Variants in ZFYVE9 observed in about 807,000 individuals in gnomAD.
ZFYVE9 encodes the protein zinc finger FYVE-type containing 9.
In ZFYVE9, 43 loss-of-function variants were observed where a neutral mutation model predicts 126.7. The observed-to-expected ratio is 0.34, with a 90% CI of 0.27 to 0.44. The LOEUF (loss-of-function observed/expected upper bound fraction) is 0.44, where lower values mean the gene tolerates loss of function less well. Among genes scored for constraint, ZFYVE9 ranks in the 20% least tolerant of loss-of-function variants. The probability of loss-of-function intolerance (pLI) is 1.00; values close to 1 mark genes in which losing one functional copy is unlikely to be tolerated. For synonymous variants in ZFYVE9, 521 were observed against 597.4 expected, an observed-to-expected ratio of 0.87 and a Z score of 1.87; for missense variants, 1,476 against 1,697.0, an observed-to-expected ratio of 0.87 and a Z score of 2.29.
intron 1 of ZFYVE9, among the ~76,000 whole-genome samples, chr1:52,149,340 T>G (rs1397606934): frequency 6.6e-6 from 1 of 152,102 alleles, no homozygotes; most frequent in Non-Finnish European, 1.5e-5. Flanking sequence ...ATAGGAAGGC[T>G]TTAATACCTT....
Position 52,145,574 on chromosome 1 carries a change from A to G in ZFYVE9, c.-143+3171A>G, listed in dbSNP as rs540664789. On this transcript the variant is annotated intron_variant, in intron 1 of 18. Coordinates refer to ENST00000287727, the MANE Select transcript of ZFYVE9 (RefSeq NM_004799.4). ...TTAGATTCTGAGTTTCTTATGTACT[A>G]TTGGGGTAACACTACCCCTCCTAGC... 9.8e-4 allele frequency among the ~76,000 whole-genome samples: 149 copies of G among 152,280 alleles called. 4 individuals carry two copies. The highest frequency in any genetic ancestry group is 2.4e-4 in the Non-Finnish European group (16 of 67,998).
At chr1:52,236,454 A>G (rs1645273901) in intron 3 of ZFYVE9, among the ~76,000 whole-genome samples, 1 of 152,198 alleles carries the variant, frequency 6.6e-6, no homozygotes, top group South Asian at 2.1e-4. Context: ...TTACAAATAT[A>G]TCTGCATAAT....
intron 1 of ZFYVE9, among the ~76,000 whole-genome samples, chr1:52,208,447 G>C (rs1644996663): frequency 6.6e-6 from 1 of 151,296 alleles, no homozygotes. Flanking sequence ...AGTTGTGATT[G>C]TGAATAGACA....
At chr1:52,235,533 G>T (rs973869895) in intron 3 of ZFYVE9, among the ~76,000 whole-genome samples, 3 of 151,856 alleles carry the variant, frequency 2.0e-5, no homozygotes, top group African/African-American at 7.3e-5. Flanking sequence ...AATCTCTACT[G>T]GTTCAAATTT....
chr1:52,182,414 C>A (rs1368126250), intron 1 of ZFYVE9, among the ~76,000 whole-genome samples: 2 of 151,822 alleles, frequency 1.3e-5, no homozygotes, highest in Non-Finnish European at 1.5e-5. Context: ...AAGAAAAATT[C>A]TTCTGCCTTG....
chr1:52,293,345 C>T, intron 10 of ZFYVE9, 108 bp from the exon 11 acceptor site: 5 of 1,008,152 alleles, frequency 5.0e-6, no homozygotes, highest in Non-Finnish European at 5.5e-6. Flanking sequence ...CGCCACTGCA[C>T]TCCAGCCTGG....
intron 2 of ZFYVE9, among the ~76,000 whole-genome samples, chr1:52,228,801 A>G (rs934144393): frequency 1.1e-4 from 17 of 152,100 alleles, no homozygotes; most frequent in African/African-American, 3.9e-4. Flanking sequence ...GTGTGTGTGT[A>G]TATGTGTGTT....
chr1:52,155,294 C>T (rs924134236), intron 1 of ZFYVE9, among the ~76,000 whole-genome samples: 5 of 140,602 alleles, frequency 3.6e-5, no homozygotes, highest in African/African-American at 5.4e-5. Flanking sequence ...AGTGCAGTGG[C>T]GCGATTTCGG....
chr1:52,235,723 C>A (rs1645267455), intron 3 of ZFYVE9, among the ~76,000 whole-genome samples: 1 of 151,954 alleles, frequency 6.6e-6, no homozygotes, highest in Admixed American at 6.6e-5. Flanking sequence ...TTCTTTATTC[C>A]TCTATTTATT....
chr1:52,315,736 A>G (rs1310249632), intron 13 of ZFYVE9, among the ~76,000 whole-genome samples: 1 of 152,254 alleles, frequency 6.6e-6, no homozygotes, highest in African/African-American at 2.4e-5. Flanking sequence ...GCAAGATAGT[A>G]AATTTAAATC....
At chr1:52,290,391 G>GAT (rs1645906968) in intron 10 of ZFYVE9, among the ~76,000 whole-genome samples, 1 of 152,142 alleles carries the variant, frequency 6.6e-6, no homozygotes, top group African/African-American at 2.4e-5. Flanking sequence ...CTTTTTGAGG[G>GAT]ATATATTCAA....
intron 1 of ZFYVE9, among the ~76,000 whole-genome samples, chr1:52,147,950 CT>C (rs895498156): frequency 6.0e-4 from 88 of 147,476 alleles, no homozygotes; most frequent in African/African-American, 1.8e-3. Context: ...CGGTTCATAA[CT>C]TTTTTTTTTT....
At chr1:52,283,991 T>A (rs982011812) in intron 10 of ZFYVE9, among the ~76,000 whole-genome samples, 1 of 152,146 alleles carries the variant, frequency 6.6e-6, no homozygotes, top group African/African-American at 2.4e-5. Context: ...AAAGATGTGG[T>A]GCTTCAATTC....
chr1:52,298,929 C>T (rs1646005575), intron 12 of ZFYVE9, among the ~76,000 whole-genome samples: 1 of 151,746 alleles, frequency 6.6e-6, no homozygotes, highest in Non-Finnish European at 1.5e-5. Context: ...CTGCCTCAGC[C>T]TGCCGAGTAG....
At chr1:52,247,423 G>T (rs1215581551) in intron 4 of ZFYVE9, among the ~76,000 whole-genome samples, 4 of 152,076 alleles carry the variant, frequency 2.6e-5, no homozygotes, top group Non-Finnish European at 5.9e-5. Flanking sequence ...GTGTATATGG[G>T]TTTGAGGGTA....
At chr1:52,276,425 G>A (rs527344288) in intron 8 of ZFYVE9, among the ~76,000 whole-genome samples, 13 of 152,266 alleles carry the variant, frequency 8.5e-5, no homozygotes, top group East Asian at 1.9e-4. Context: ...TGCCAGTACC[G>A]TTCCATTCTA....
intron 1 of ZFYVE9, among the ~76,000 whole-genome samples, chr1:52,203,846 A>G (rs565087465): frequency 1.1e-4 from 17 of 152,134 alleles, no homozygotes; most frequent in African/African-American, 4.1e-4. Flanking sequence ...TGTCTCCTAA[A>G]TAAGCCTATC....
At chr1:52,222,346 C>G (rs1379045342) in intron 2 of ZFYVE9, among the ~76,000 whole-genome samples, 1 of 152,178 alleles carries the variant, frequency 6.6e-6, no homozygotes, top group East Asian at 1.9e-4. Context: ...CAGGGTCCTC[C>G]TACTCAAAGG....
intron 1 of ZFYVE9, among the ~76,000 whole-genome samples, chr1:52,205,199 C>T (rs1023227810): frequency 1.3e-5 from 2 of 151,504 alleles, no homozygotes; most frequent in African/African-American, 4.9e-5. Flanking sequence ...CTCAGTTCCC[C>T]AAGTAGCTGC....
Sources: gnomAD v4.1 joint callset for allele counts (sites outside exome capture counted in the v4.1 genomes callset) on GRCh38, gnomAD v4.1.1 for gene constraint, MANE v1.5 for transcripts, NCBI Gene and HGNC (gene_info 2026-07-23, HGNC 2026-07-21) for gene names.